The following EMCN variants were observed in gnomAD, a reference collection of about 807,000 sequenced individuals.
EMCN encodes the protein MUC-14.
Under a neutral mutation model 38.4 loss-of-function variants are expected in EMCN, and 37 were observed. The ratio of observed to expected loss-of-function variants is 0.96; its 90% CI spans 0.74 to 1.27. EMCN has a LOEUF of 1.27. Among genes scored for constraint, EMCN ranks in the 50% most tolerant of loss-of-function variants. The pLI is 0.00. For missense variants in EMCN, 318 were observed against 302.8 expected, an observed-to-expected ratio of 1.05 and a Z score of -0.37; for synonymous variants, 95 against 100.8, an observed-to-expected ratio of 0.94 and a Z score of 0.35.
intron 1 of EMCN, among the ~76,000 whole-genome samples, chr4:100,495,740 A>AAT (rs1480007109): frequency 1.3e-5 from 2 of 152,100 alleles, no homozygotes; most frequent in African/African-American, 4.8e-5. Context: ...ATATAAGACT[A>AAT]ATCAGTTTTC....
Position 100,397,967 on chromosome 4 carries a change from T to G in EMCN, c.*446A>C, listed in dbSNP as rs1203018573. 20 of 152,012 alleles carry G rather than the reference T, an allele frequency of 1.3e-4. No homozygotes were observed. Among genetic ancestry groups the G allele is most frequent in the Admixed American group, 1.2e-3 (19 of 15,248 alleles). 9.4% of individuals were successfully genotyped at this position (152,012 alleles called of 1,614,324 possible). Reference sequence around the variant, plus strand: ...GCAACTTTTCCCTGCATTAACATAGTGGTAAACAATAAATACTAACAGTAG... The same window carrying G: ...GCAACTTTTCCCTGCATTAACATAGGGGTAAACAATAAATACTAACAGTAG... On this transcript the variant is annotated 3_prime_UTR_variant, in exon 12 of 12. Transcript: ENST00000296420.
At chr4:100,451,489 G>T (rs946076674) in intron 4 of EMCN, among the ~76,000 whole-genome samples, 1 of 151,884 alleles carries the variant, frequency 6.6e-6, no homozygotes, top group Non-Finnish European at 1.5e-5. Flanking sequence ...ACCCTGGTTA[G>T]AATTGCAGGT....
rs1726882237 is a variant in EMCN, at chr4:100,421,360, C to A, written c.586G>T (p.Val196Phe). The change falls in exon 8 of 12, where the codon GTT becomes TTT. Residue 196 changes from valine (V) to phenylalanine (F), a missense_variant. Transcript: ENST00000296420. ...AGTGTTATTACAATCAAAGCAATAACCACCGGCAAAATAATACCTAAAAAG... is the reference window on the plus strand; with the variant it reads ...AGTGTTATTACAATCAAAGCAATAAACACCGGCAAAATAATACCTAAAAAG... Reference protein sequence around the residue: ...RSYSSIILPVVIALIVITLSV... With the variant: ...RSYSSIILPVFIALIVITLSV... 5.6e-6 allele frequency: 9 copies of A among 1,612,470 alleles called. No individual in the cohort carries two copies. The highest frequency in any genetic ancestry group is 3.3e-5 in the Admixed American group (2 of 59,852).
chr4:100,480,537 A>T (rs1215333197), intron 1 of EMCN, among the ~76,000 whole-genome samples: 1 of 150,614 alleles, frequency 6.6e-6, no homozygotes, highest in Non-Finnish European at 1.5e-5. Flanking sequence ...AATAAAGACA[A>T]GAGTATACAT....
intron 11 of EMCN, among the ~76,000 whole-genome samples, chr4:100,402,806 T>TTTTC (rs1420771478): frequency 1.3e-5 from 2 of 152,138 alleles, no homozygotes; most frequent in African/African-American, 4.8e-5. Flanking sequence ...TCTATATACC[T>TTTTC]TTTCTTTCTT....
At chr4:100,450,256 C>A (rs1376140397) in intron 4 of EMCN, among the ~76,000 whole-genome samples, 1 of 151,922 alleles carries the variant, frequency 6.6e-6, no homozygotes, top group African/African-American at 2.4e-5. Flanking sequence ...TGGCAACTTA[C>A]AATCTGTTTG....
At chr4:100,399,755 T>C (rs1726206345) in intron 11 of EMCN, among the ~76,000 whole-genome samples, 1 of 152,196 alleles carries the variant, frequency 6.6e-6, no homozygotes, top group Non-Finnish European at 1.5e-5. Flanking sequence ...TGACTTATTT[T>C]TTTATTTTTA....
At chr4:100,492,852 G>A (rs1729120772) in intron 1 of EMCN, among the ~76,000 whole-genome samples, 1 of 151,766 alleles carries the variant, frequency 6.6e-6, no homozygotes, top group Non-Finnish European at 1.5e-5. Context: ...ACGCGGTCTG[G>A]GGGCCATGTT....
chr4:100,415,751 T>G, intron 10 of EMCN, 147 bp downstream of exon 10: 1 of 558,990 alleles, frequency 1.8e-6, no homozygotes, highest in Non-Finnish European at 3.2e-6. Context: ...CTTTCCTTCA[T>G]GGGAGAATTT....
intron 5 of EMCN, among the ~76,000 whole-genome samples, chr4:100,440,172 T>C (rs1167389696): frequency 6.6e-6 from 1 of 152,174 alleles, no homozygotes; most frequent in East Asian, 1.9e-4. Flanking sequence ...AAGTCTAGTA[T>C]TTCTTTTTTA....
In EMCN at chr4:100,418,046, G is replaced by T. The variant is rs1182954773; in HGVS notation, c.665-905C>A. Among the ~76,000 whole-genome samples the T allele has an allele frequency of 2.7e-5, 4 of 148,300 alleles. No homozygotes were observed. The Admixed American group carries it at 2.7e-4, about 10-fold the overall frequency. The stretch of plus-strand genomic sequence containing the variant: ...GACCTTAACTTCCACTCATATTTTG[G>T]CTGCTTCTATTTCTGTCATCTTGGT... On this transcript the variant is annotated intron_variant, in intron 8 of 11. Coordinates refer to ENST00000296420, the MANE Select transcript of EMCN (RefSeq NM_016242.4).
At chr4:100,449,609 C>T (rs967382796) in intron 4 of EMCN, among the ~76,000 whole-genome samples, 1 of 152,052 alleles carries the variant, frequency 6.6e-6, no homozygotes, top group African/African-American at 2.4e-5. Flanking sequence ...CCTTGTTCCT[C>T]TTATTATCAG....
chr4:100,461,387 T>G (rs1728174049), intron 4 of EMCN, among the ~76,000 whole-genome samples: 2 of 152,146 alleles, frequency 1.3e-5, no homozygotes, highest in Non-Finnish European at 2.9e-5. Context: ...TTATTTATCT[T>G]TTTCATCCAC....
rs554398617 is a variant in EMCN, at chr4:100,486,400, T to C, written c.65-6361A>G. Among the ~76,000 whole-genome samples, 316 of 152,298 alleles carry C rather than the reference T, an allele frequency of 2.1e-3. 1 individual carries two copies. Among genetic ancestry groups the C allele is most frequent in the Non-Finnish European group, 3.1e-3 (209 of 68,028 alleles). On this transcript the variant is annotated intron_variant, in intron 1 of 11. Coordinates refer to ENST00000296420, the MANE Select transcript of EMCN (RefSeq NM_016242.4). ...GGGAGGGGAAATCAGGGAAATCCCATTTACAATGAAAACATCAGAGCTAGG... is the reference window on the plus strand; with the variant it reads ...GGGAGGGGAAATCAGGGAAATCCCACTTACAATGAAAACATCAGAGCTAGG...
chr4:100,467,915 T>C (rs959150565), intron 3 of EMCN, among the ~76,000 whole-genome samples: 3 of 152,212 alleles, frequency 2.0e-5, no homozygotes, highest in South Asian at 2.1e-4. Flanking sequence ...CAGTTATGAA[T>C]TGCACTATAA....
rs1729803713 is a variant in EMCN, at chr4:100,517,971, C to T, written c.-57G>A. 1.3e-6 allele frequency: 2 copies of T among 1,556,992 alleles called. No individual in the cohort carries two copies. The highest frequency in any genetic ancestry group is 2.2e-5 in the East Asian group (1 of 44,572). ...CTCCAGAAGCAGGCAGGGACAATTCCCTCCCAGCCTGGCAGGGCCTTATTA... is the reference window on the plus strand; with the variant it reads ...CTCCAGAAGCAGGCAGGGACAATTCTCTCCCAGCCTGGCAGGGCCTTATTA... On this transcript the variant is annotated 5_prime_UTR_variant, in exon 1 of 12. Coordinates refer to ENST00000296420, the MANE Select transcript of EMCN (RefSeq NM_016242.4).
intron 4 of EMCN, among the ~76,000 whole-genome samples, chr4:100,463,909 C>T (rs781654289): frequency 6.7e-4 from 102 of 151,902 alleles, no homozygotes; most frequent in Admixed American, 9.2e-4. Flanking sequence ...TTTTTATTTC[C>T]GTACAAATCT....
chr4:100,435,937 C>G (rs896954552), intron 5 of EMCN, among the ~76,000 whole-genome samples: 2 of 152,044 alleles, frequency 1.3e-5, no homozygotes, highest in African/African-American at 2.4e-5. Flanking sequence ...AGAAGAAAAT[C>G]TAGGCAATAC....
intron 4 of EMCN, among the ~76,000 whole-genome samples, chr4:100,458,043 G>A (rs1728067496): frequency 6.6e-6 from 1 of 152,116 alleles, no homozygotes; most frequent in Admixed American, 6.5e-5. Context: ...TTGGACCTGG[G>A]AGGTGGAGTT....
Sources: gnomAD v4.1 joint callset for allele counts (sites outside exome capture counted in the v4.1 genomes callset) on GRCh38, gnomAD v4.1.1 for gene constraint, MANE v1.5 for transcripts, NCBI Gene and HGNC (gene_info 2026-07-23, HGNC 2026-07-21) for gene names.